The following CDKAL1 variants were observed in gnomAD, a reference collection of about 807,000 sequenced individuals.
CDKAL1 encodes the protein threonylcarbamoyladenosine tRNA methylthiotransferase.
CDKAL1 carries 32 observed loss-of-function variants against 68.2 expected under a neutral mutation model. That is an observed-to-expected ratio of 0.47 (90% confidence interval 0.35 to 0.63). The LOEUF (loss-of-function observed/expected upper bound fraction) is 0.63. CDKAL1 is among the 30% of genes least tolerant of loss of function. The pLI is 0.00. For synonymous variants in CDKAL1, 234 were observed against 244.3 expected (o/e 0.96, Z 0.39); for missense variants, 606 against 696.7 (o/e 0.87, Z 1.47).
rs370433178 is a variant in CDKAL1 at position 21,123,410 on chromosome 6, C to G, written c.1299+14947C>G. 2.4e-4 allele frequency among the ~76,000 whole-genome samples: 36 copies of G among 152,212 alleles called. No homozygotes were observed. In the East Asian group the frequency reaches 7.0e-3, roughly 29 times the overall value. ...AGCGGAGGTTACAGTAAGCCAAGAACGCAGCACTGCACTCCAGCCTGGGCA... is the reference window on the plus strand; with the variant it reads ...AGCGGAGGTTACAGTAAGCCAAGAAGGCAGCACTGCACTCCAGCCTGGGCA... On this transcript the variant is annotated intron_variant, in intron 13 of 15. Transcript: ENST00000274695.
intron 11 of CDKAL1, among the ~76,000 whole-genome samples, chr6:21,024,275 G>T (rs1242563848): frequency 3.3e-5 from 5 of 152,138 alleles, no homozygotes; most frequent in Admixed American, 3.3e-4. Flanking sequence ...CCTATTAATA[G>T]AATTTATTTA....
chr6:21,017,766 T>A (rs777026089), intron 11 of CDKAL1, among the ~76,000 whole-genome samples: 2 of 152,328 alleles, frequency 1.3e-5, no homozygotes, highest in East Asian at 1.9e-4. Flanking sequence ...ATTTCTTAAA[T>A]GATTAACCTT....
chr6:21,035,253 T>TGA (rs1249229474), intron 11 of CDKAL1, among the ~76,000 whole-genome samples: 2 of 152,138 alleles, frequency 1.3e-5, no homozygotes, highest in African/African-American at 4.8e-5. Flanking sequence ...CTGAAACCAA[T>TGA]GACTGGAGAC....
chr6:21,166,849 C>T (rs1777175319), intron 13 of CDKAL1, among the ~76,000 whole-genome samples: 1 of 152,182 alleles, frequency 6.6e-6, no homozygotes, highest in Non-Finnish European at 1.5e-5. Context: ...ATGTGATGCT[C>T]CTATTCATAT....
chr6:21,184,384 G>C (rs1372798499), intron 13 of CDKAL1, among the ~76,000 whole-genome samples: 1 of 151,882 alleles, frequency 6.6e-6, no homozygotes, highest in African/African-American at 2.4e-5. Flanking sequence ...TAGTAGACAT[G>C]GGGTTTCACC....
intron 10 of CDKAL1, among the ~76,000 whole-genome samples, chr6:20,995,213 A>G (rs2067293183): frequency 1.3e-5 from 2 of 152,152 alleles, no homozygotes; most frequent in South Asian, 4.1e-4. Context: ...TGAACCCCTC[A>G]AAGTTATCCA....
At chr6:20,814,199 A>G (rs1776944395) in intron 8 of CDKAL1, among the ~76,000 whole-genome samples, 1 of 152,096 alleles carries the variant, frequency 6.6e-6, no homozygotes. Flanking sequence ...ATGATATTTT[A>G]AGAAGTTTTA....
In CDKAL1 at chr6:20,781,084, C is replaced by T. The variant is rs1030843251; in HGVS notation, c.518-61C>T. On this transcript the variant is annotated intron_variant, in intron 7 of 15. Transcript: ENST00000274695. ...GTTAAATGAACACATTTGTTGAAAGCGTTAAGTTACAGTGAAGTGTGTAAC... is the reference window on the plus strand; with the variant it reads ...GTTAAATGAACACATTTGTTGAAAGTGTTAAGTTACAGTGAAGTGTGTAAC... The T allele has an allele frequency of 1.4e-4, 221 of 1,528,884 alleles. No homozygotes were observed. In the African/African-American group the frequency reaches 2.3e-3, roughly 16 times the overall value. 94.7% of individuals were successfully genotyped at this position (1,528,884 alleles called of 1,614,324 possible). A position where few individuals can be genotyped will look rare whatever the true frequency, so the allele number is the denominator to read the frequency against.
intron 12 of CDKAL1, among the ~76,000 whole-genome samples, chr6:21,067,446 A>T (rs371483960): frequency 1.3e-5 from 2 of 152,190 alleles, no homozygotes; most frequent in African/African-American, 4.8e-5. Flanking sequence ...ATCACAGTTT[A>T]TTCATCCTAT....
chr6:20,925,115 C>T (rs1365144217), intron 9 of CDKAL1, among the ~76,000 whole-genome samples: 1 of 152,168 alleles, frequency 6.6e-6, no homozygotes, highest in Non-Finnish European at 1.5e-5. Flanking sequence ...CAACCTTCAC[C>T]AACCACCACC....
Position 20,681,731 on chromosome 6 carries a change from C to A in CDKAL1, c.371+32354C>A, listed in dbSNP as rs1770385249. On this transcript the variant is annotated intron_variant, in intron 5 of 15. Coordinates refer to ENST00000274695, the MANE Select transcript of CDKAL1 (RefSeq NM_017774.3). ...GTTTTCCTCCATTTTTAATTCACTC[C>A]AGAAGCGAGAGATGGGTGCATGGAA... Among the ~76,000 whole-genome samples the A allele has an allele frequency of 3.3e-5, 5 of 152,068 alleles. No individual in the cohort carries two copies. The South Asian group carries it at 1.0e-3, about 32-fold the overall frequency.
chr6:20,556,535 CTT>C (rs1764049784), intron 4 of CDKAL1, among the ~76,000 whole-genome samples: 1 of 152,156 alleles, frequency 6.6e-6, no homozygotes. Context: ...CATCAACTAT[CTT>C]AGTATAGGGC....
chr6:20,578,355 C>A (rs1187731987), intron 4 of CDKAL1, among the ~76,000 whole-genome samples: 3 of 152,086 alleles, frequency 2.0e-5, no homozygotes, highest in Non-Finnish European at 4.4e-5. Flanking sequence ...TTTTCCCTTC[C>A]CCTCCCCTCT....
intron 10 of CDKAL1, among the ~76,000 whole-genome samples, chr6:20,991,273 G>A (rs1766779337): frequency 6.6e-6 from 1 of 152,210 alleles, no homozygotes; most frequent in South Asian, 2.1e-4. Flanking sequence ...TTGAGGAGCA[G>A]TTATGGGAGA....
chr6:20,923,075 T>TTC lies in CDKAL1; in HGVS notation c.743-32330_743-32329dup, dbSNP rs200707001. ...GAGAAAAGCATCTGCATATAAAGTC[T>TTC]TCTCTCTCTCTCTCTTTTTTTCTTT... is the stretch of plus-strand genomic sequence containing the variant. On this transcript the variant is annotated intron_variant, in intron 9 of 15. Transcript: ENST00000274695. Among the ~76,000 whole-genome samples the TTC allele has an allele frequency of 3.8e-3, 582 of 151,810 alleles. 14 individuals are homozygous for TTC. The highest frequency in any genetic ancestry group is 0.021 in the South Asian group (100 of 4,786).
At chr6:20,968,683 G>A (rs1765447693) in intron 10 of CDKAL1, among the ~76,000 whole-genome samples, 1 of 151,760 alleles carries the variant, frequency 6.6e-6, no homozygotes, top group Non-Finnish European at 1.5e-5. Flanking sequence ...CAGATCTCTT[G>A]CAGAGCCCTT....
At chr6:20,591,612 C>T (rs1765596816) in intron 4 of CDKAL1, among the ~76,000 whole-genome samples, 1 of 152,094 alleles carries the variant, frequency 6.6e-6, no homozygotes, top group Admixed American at 6.6e-5. Flanking sequence ...TTCCCGACAC[C>T]ATTTATTAAA....
At chr6:21,043,596 C>T (rs376542635) in intron 11 of CDKAL1, among the ~76,000 whole-genome samples, 1 of 152,230 alleles carries the variant, frequency 6.6e-6, no homozygotes, top group East Asian at 1.9e-4. Context: ...TTTGTCTCTG[C>T]ACTTTTATGG....
intron 5 of CDKAL1, among the ~76,000 whole-genome samples, chr6:20,673,874 A>G (rs999663656): frequency 6.6e-5 from 10 of 152,186 alleles, no homozygotes; most frequent in Admixed American, 2.0e-4. Flanking sequence ...TAAATTGCCC[A>G]GTCTTGGGTA....
Sources: gnomAD v4.1 joint callset for allele counts (sites outside exome capture counted in the v4.1 genomes callset) on GRCh38, gnomAD v4.1.1 for gene constraint, MANE v1.5 for transcripts, NCBI Gene and HGNC (gene_info 2026-07-23, HGNC 2026-07-21) for gene names.